The following GLI3 variants were observed in gnomAD, a reference collection of about 807,000 sequenced individuals.
The protein encoded by GLI3 is GLI family zinc finger 3, also known as transcription activator GLI3.
Under a neutral mutation model 100.8 loss-of-function variants are expected in GLI3, and 20 were observed. The ratio of observed to expected loss-of-function variants is 0.20; its 90% CI spans 0.14 to 0.29. GLI3 has a LOEUF of 0.29. Among genes scored for constraint, GLI3 ranks in the 10% least tolerant of loss-of-function variants. The probability of loss-of-function intolerance (pLI) is 1.00; values close to 1 mark genes in which losing one functional copy is unlikely to be tolerated. For synonymous variants in GLI3, 938 were observed against 860.5 expected, an observed-to-expected ratio of 1.09 and a Z score of -1.58; for missense variants, 2,040 against 2,128.5, an observed-to-expected ratio of 0.96 and a Z score of 0.82.
chr7:42,200,933 A>G (rs1462389891), intron 2 of GLI3, among the ~76,000 whole-genome samples: 1 of 152,230 alleles, frequency 6.6e-6, no homozygotes, highest in African/African-American at 2.4e-5. Flanking sequence ...ACACTCTAGG[A>G]CTTAAACAAT....
At chr7:42,142,754 C>T (rs971597453) in intron 3 of GLI3, among the ~76,000 whole-genome samples, 2 of 151,348 alleles carry the variant, frequency 1.3e-5, no homozygotes, top group African/African-American at 4.9e-5. Flanking sequence ...CATGGTGAAA[C>T]CCCGTCTCTA....
At chr7:41,976,170 C>T (rs1439106861) in intron 12 of GLI3, among the ~76,000 whole-genome samples, 1 of 152,074 alleles carries the variant, frequency 6.6e-6, no homozygotes, top group African/African-American at 2.4e-5. Context: ...ATTCTAGACT[C>T]CCTAAAATTT....
At chr7:42,112,862 C>A (rs1012088283) in intron 3 of GLI3, among the ~76,000 whole-genome samples, 1 of 151,982 alleles carries the variant, frequency 6.6e-6, no homozygotes, top group Non-Finnish European at 1.5e-5. Flanking sequence ...AGAGAGGAGA[C>A]ATTCAGTTAA....
intron 2 of GLI3, among the ~76,000 whole-genome samples, chr7:42,185,559 C>T (rs1461131253): frequency 6.6e-6 from 1 of 152,218 alleles, no homozygotes; most frequent in Non-Finnish European, 1.5e-5. Flanking sequence ...TAGCTTCTGT[C>T]TTGCAGCTCT....
chr7:42,178,349 A>G (rs757318565), intron 2 of GLI3, among the ~76,000 whole-genome samples: 8 of 152,210 alleles, frequency 5.3e-5, no homozygotes, highest in Non-Finnish European at 7.3e-5. Flanking sequence ...GCTTAATTCC[A>G]TAGTCATTGT....
chr7:42,038,246 G>A (rs183936675), intron 7 of GLI3, among the ~76,000 whole-genome samples: 6 of 152,268 alleles, frequency 3.9e-5, no homozygotes, highest in East Asian at 3.9e-4. Context: ...ATGCTTCCTC[G>A]GGGCCAGACT....
Position 41,982,388 on chromosome 7 carries a change from C to T in GLI3, c.1498-3640G>A, listed in dbSNP as rs1787695835. Among the ~76,000 whole-genome samples the T allele has an allele frequency of 2.6e-5, 4 of 152,294 alleles. No homozygotes were observed. The South Asian group carries it at 8.3e-4, about 32-fold the overall frequency. ...AAATTCTAAGAACTCACAGACTTAA[C>T]ATGTGCATGTGTTCTAAATATTTAC... is the stretch of plus-strand genomic sequence containing the variant. On this transcript the variant is annotated intron_variant, in intron 10 of 14. Transcript: ENST00000395925.
At chr7:42,118,235 C>A in intron 3 of GLI3, 1 of 398,510 alleles carries the variant, frequency 2.5e-6, no homozygotes, top group Non-Finnish European at 4.4e-6. Flanking sequence ...CATGTTAAGT[C>A]CCAAATAGTT....
chr7:42,064,988 G>C (rs1382153580), intron 4 of GLI3, among the ~76,000 whole-genome samples: 1 of 152,028 alleles, frequency 6.6e-6, no homozygotes, highest in South Asian at 2.1e-4. Context: ...GGCCCAGCAA[G>C]AAAAGAAGAG....
chr7:41,981,236 G>A (rs1023018016), intron 10 of GLI3, among the ~76,000 whole-genome samples: 4 of 152,218 alleles, frequency 2.6e-5, no homozygotes, highest in East Asian at 1.9e-4. Flanking sequence ...TTGGCATGGC[G>A]AGAAGGCATG....
intron 2 of GLI3, among the ~76,000 whole-genome samples, chr7:42,208,596 A>G (rs1360113534): frequency 6.6e-6 from 1 of 152,130 alleles, no homozygotes; most frequent in Non-Finnish European, 1.5e-5. Context: ...AGTTTATTGT[A>G]CTCTTGGTTT....
At chr7:42,175,611 C>CT (rs1316041617) in intron 2 of GLI3, among the ~76,000 whole-genome samples, 9 of 143,368 alleles carry the variant, frequency 6.3e-5, no homozygotes. Context: ...GAGTGAGACT[C>CT]TGTCTCCAAA....
intron 3 of GLI3, among the ~76,000 whole-genome samples, chr7:42,146,166 T>C (rs1786703589): frequency 6.6e-6 from 1 of 152,364 alleles, no homozygotes; most frequent in Non-Finnish European, 1.5e-5. Context: ...AGTTATCACA[T>C]AATTTTAACA....
chr7:42,219,893 G>A (rs889625493), intron 2 of GLI3, among the ~76,000 whole-genome samples: 24 of 141,470 alleles, frequency 1.7e-4, no homozygotes, highest in South Asian at 4.4e-4. Context: ...TCGTTCTGTC[G>A]CCCAGGCTGG....
chr7:42,232,936 T>C (rs577757983), intron 1 of GLI3, among the ~76,000 whole-genome samples: 5 of 152,144 alleles, frequency 3.3e-5, no homozygotes, highest in African/African-American at 1.2e-4. Flanking sequence ...ACAGAGGTAA[T>C]GAGTAGTGAA....
intron 12 of GLI3, among the ~76,000 whole-genome samples, chr7:41,974,578 G>A (rs1367443101): frequency 6.6e-6 from 1 of 152,206 alleles, no homozygotes; most frequent in African/African-American, 2.4e-5. Context: ...ATAAGAAGAT[G>A]CAATGATCTG....
chr7:42,166,228 G>A (rs1583614842), intron 2 of GLI3, among the ~76,000 whole-genome samples: 1 of 152,164 alleles, frequency 6.6e-6, no homozygotes, highest in Admixed American at 6.5e-5. Context: ...CTATTCACTT[G>A]TATGTCTCCA....
intron 3 of GLI3, among the ~76,000 whole-genome samples, chr7:42,103,174 G>C (rs1785504805): frequency 6.6e-6 from 1 of 152,164 alleles, no homozygotes; most frequent in Non-Finnish European, 1.5e-5. Flanking sequence ...CCAGCTGAGT[G>C]TCCTCATGGC....
In GLI3 at chr7:41,972,482, G is replaced by C. The variant is rs141220299; in HGVS notation, c.1958C>G (p.Pro653Arg). Residue 653 changes from proline to arginine, a missense_variant, in exon 13 of 15, where the codon CCG becomes CGG. Transcript: ENST00000395925. This position sits in a 1 kb window ranked among gnomAD's most constrained non-coding sequence, Gnocchi z 4.4. The stretch of plus-strand genomic sequence containing the variant: ...CTGTGAATGGCTGCCGGAATCTCTC[G>C]GGGGTGGCGGCCGAGGATGGATGTC... Reference protein sequence around the residue: ...RGDIHPRPPPPRDSGSHSQSR... With the variant: ...RGDIHPRPPPRRDSGSHSQSR... The C allele has an allele frequency of 3.1e-6, 5 of 1,613,564 alleles. No homozygotes were observed. The highest frequency in any genetic ancestry group is 1.7e-5 in the Admixed American group (1 of 60,010).
Sources: gnomAD v4.1 joint callset for allele counts (sites outside exome capture counted in the v4.1 genomes callset) on GRCh38, gnomAD v4.1.1 for gene constraint, Gnocchi (gnomAD v3.1) non-coding constraint, MANE v1.5 for transcripts, NCBI Gene and HGNC (gene_info 2026-07-23, HGNC 2026-07-21) for gene names.